Variants in CDH12 observed in about 807,000 individuals in gnomAD.
CDH12 encodes cadherin-12.
A neutral mutation model predicts 74.1 loss-of-function variants in CDH12; 41 were observed. The ratio of observed to expected loss-of-function variants is 0.55; its 90% CI spans 0.43 to 0.72. The LOEUF is 0.72. CDH12 is among the 30% of genes least tolerant of loss of function. The pLI, the probability that CDH12 is intolerant of heterozygous loss-of-function variation, is 0.00. For synonymous variants in CDH12, 399 were observed against 355.0 expected (o/e 1.12, Z -1.39); for missense variants, 945 against 977.2 (o/e 0.97, Z 0.44).
chr5:21,945,427 CAAAAAAAAAAAAAAA>C (rs1167475672), intron 6 of CDH12, among the ~76,000 whole-genome samples: 349 of 15,538 alleles, frequency 0.022, 5 homozygotes, highest in Admixed American at 0.048. Context: ...CTGTTTCAGA[CAAAAAAAAAAAAAAA>C]AAAAAAAAAA....
chr5:22,626,564 A>T (rs574123355), intron 1 of CDH12, among the ~76,000 whole-genome samples: 88 of 152,308 alleles, frequency 5.8e-4, no homozygotes, highest in African/African-American at 2.1e-3. Context: ...CCCTAAGGGC[A>T]TCAAAGAAGA....
intron 1 of CDH12, among the ~76,000 whole-genome samples, chr5:22,758,536 G>GTTT (rs796728010): frequency 1.4e-5 from 2 of 144,034 alleles, no homozygotes; most frequent in African/African-American, 5.1e-5. Context: ...TTGATTTATA[G>GTTT]TTTTTTTTTT....
intron 5 of CDH12, among the ~76,000 whole-genome samples, chr5:22,013,415 T>C (rs1580113060): frequency 6.6e-6 from 1 of 152,274 alleles, no homozygotes; most frequent in East Asian, 1.9e-4. Context: ...TAATTCAAGA[T>C]GAGATTTGGG....
At chr5:22,030,490 C>T (rs375846338) in intron 5 of CDH12, among the ~76,000 whole-genome samples, 12 of 152,094 alleles carry the variant, frequency 7.9e-5, no homozygotes, top group Admixed American at 1.3e-4. Flanking sequence ...TAGCTCATAA[C>T]GGTGGGCTTA....
At chr5:21,778,521 ATT>A (rs71964106) in intron 11 of CDH12, among the ~76,000 whole-genome samples, 2,256 of 115,042 alleles carry the variant, frequency 0.02, 54 homozygotes, top group African/African-American at 0.065. Context: ...AAAAATCTCT[ATT>A]TTTTTTTTTT....
chr5:22,401,029 T>C (rs761205753), intron 3 of CDH12, among the ~76,000 whole-genome samples: 48 of 152,202 alleles, frequency 3.2e-4, no homozygotes, highest in Non-Finnish European at 1.0e-4. Context: ...ATATAATAAA[T>C]AAAGTTGTAT....
At chr5:22,392,921 G>T (rs951017049) in intron 3 of CDH12, among the ~76,000 whole-genome samples, 6 of 152,154 alleles carry the variant, frequency 3.9e-5, no homozygotes, top group Admixed American at 6.5e-5. Context: ...ATTAGGAAGA[G>T]ATTTTTCACT....
At chr5:22,490,516 C>A (rs1392395072) in intron 2 of CDH12, among the ~76,000 whole-genome samples, 1 of 151,354 alleles carries the variant, frequency 6.6e-6, no homozygotes, top group Non-Finnish European at 1.5e-5. Context: ...GATAAATATC[C>A]CCCATTCATA....
At chr5:22,806,506 T>C (rs1237467444) in intron 1 of CDH12, among the ~76,000 whole-genome samples, 19 of 151,972 alleles carry the variant, frequency 1.3e-4, no homozygotes, top group East Asian at 5.9e-4. Flanking sequence ...GCGCCCGCCA[T>C]CACGCCCGGC....
At chr5:22,578,220 A>G (rs1369115473) in intron 1 of CDH12, among the ~76,000 whole-genome samples, 2 of 152,184 alleles carry the variant, frequency 1.3e-5, no homozygotes, top group Admixed American at 6.5e-5. Context: ...AAAGATTTCA[A>G]TAGCCATAGC....
chr5:21,969,176 A>C (rs1756721433), intron 6 of CDH12, among the ~76,000 whole-genome samples: 1 of 152,234 alleles, frequency 6.6e-6, no homozygotes, highest in East Asian at 1.9e-4. Flanking sequence ...AATTAAACCC[A>C]AAATCACTTC....
At chr5:22,332,235 A>G (rs968331896) in intron 3 of CDH12, among the ~76,000 whole-genome samples, 24 of 152,192 alleles carry the variant, frequency 1.6e-4, no homozygotes, top group African/African-American at 5.8e-4. Flanking sequence ...CAAAGGCCAG[A>G]GATGAAGAAA....
intron 2 of CDH12, among the ~76,000 whole-genome samples, chr5:22,444,045 T>C (rs1744726663): frequency 6.6e-6 from 1 of 152,034 alleles, no homozygotes; most frequent in Non-Finnish European, 1.5e-5. Flanking sequence ...TCAAAGCAAA[T>C]TTAGAGCCAT....
chr5:21,926,340 A>G (rs1754582700), intron 6 of CDH12, among the ~76,000 whole-genome samples: 1 of 152,350 alleles, frequency 6.6e-6, no homozygotes, highest in African/African-American at 2.4e-5. Context: ...CACAAACAAG[A>G]TGACCTTCCC....
chr5:22,484,761 C>T (rs1410148867), intron 2 of CDH12, among the ~76,000 whole-genome samples: 1 of 152,170 alleles, frequency 6.6e-6, no homozygotes. Flanking sequence ...GAAATTAGGC[C>T]AAATTCTAGC....
chr5:22,111,760 C>T (rs1744829239), intron 4 of CDH12, among the ~76,000 whole-genome samples: 1 of 152,126 alleles, frequency 6.6e-6, no homozygotes, highest in African/African-American at 2.4e-5. Flanking sequence ...CCTTTGGAAG[C>T]TTTACATCTA....
chr5:22,392,025 G>A (rs1333126332), intron 3 of CDH12, among the ~76,000 whole-genome samples: 3 of 152,164 alleles, frequency 2.0e-5, no homozygotes, highest in Non-Finnish European at 4.4e-5. Context: ...TGTCAGACGA[G>A]AAAACTTGTT....
chr5:21,989,639 A>T (rs1488088992), intron 5 of CDH12, among the ~76,000 whole-genome samples: 10 of 152,242 alleles, frequency 6.6e-5, no homozygotes, highest in Admixed American at 6.5e-5. Flanking sequence ...AAAATGTAAC[A>T]TATTATGTTT....
chr5:22,714,849 G>C (rs564903746), intron 1 of CDH12, among the ~76,000 whole-genome samples: 2 of 152,130 alleles, frequency 1.3e-5, no homozygotes, highest in Non-Finnish European at 2.9e-5. Context: ...GCTTAACAAC[G>C]TACTTTGTTG....
Sources: allele counts gnomAD v4.1 joint callset (sites outside exome capture counted in the v4.1 genomes callset), GRCh38; gene constraint gnomAD v4.1.1; transcripts MANE v1.5; gene names NCBI Gene and HGNC (gene_info 2026-07-23, HGNC 2026-07-21).